The following RYR2 variants were observed in gnomAD, a reference collection of about 807,000 sequenced individuals.
RYR2 encodes ryanodine receptor 2.
In RYR2, 227 loss-of-function variants were observed where a neutral mutation model predicts 601.1. The ratio of observed to expected loss-of-function variants is 0.38; its 90% CI spans 0.34 to 0.42. RYR2 has a LOEUF of 0.42. RYR2 is among the 10% of genes least tolerant of loss of function. The pLI is 1.00. For synonymous variants in RYR2, 2,223 were observed against 2,175.1 expected, an observed-to-expected ratio of 1.02 and a Z score of -0.61; for missense variants, 4,646 against 6,156.5, an observed-to-expected ratio of 0.75 and a Z score of 8.21.
intron 18 of RYR2, 80 bp from the exon 19 acceptor site, chr1:237,492,866 AGGAAGAAG>A (rs1320759508): frequency 2.3e-6 from 3 of 1,297,600 alleles, no homozygotes; most frequent in East Asian, 2.7e-5. Context: ...GAAGGAAGGA[AGGAAGAAG>A]GGAAGGAAGG....
At chr1:237,191,002 G>A (rs137905499) in intron 1 of RYR2, among the ~76,000 whole-genome samples, 78 of 152,236 alleles carry the variant, frequency 5.1e-4, no homozygotes, top group African/African-American at 1.8e-3. Flanking sequence ...CCCATTGTCT[G>A]GAAGCTTTCC....
intron 92 of RYR2, among the ~76,000 whole-genome samples, chr1:237,790,887 T>A (rs1368219668): frequency 6.6e-6 from 1 of 151,414 alleles, no homozygotes; most frequent in Non-Finnish European, 1.5e-5. Flanking sequence ...TGCCCCCTGC[T>A]CACCTGTCTG....
chr1:237,641,523 TTCTTTTTCTTTCTTTTCTC>T (rs1681531665), intron 47 of RYR2, among the ~76,000 whole-genome samples: 1 of 150,058 alleles, frequency 6.7e-6, no homozygotes, highest in Non-Finnish European at 1.5e-5. Flanking sequence ...CTTTCTTTCT[TTCTTTTTCTTTCTTTTCTC>T]TCTTTTTTTT....
rs112769379 is a variant in RYR2, at chr1:237,623,893, C to CT, written c.6022+27dup. On this transcript the variant is annotated intron_variant, in intron 39 of 104. Transcript: ENST00000366574. ...GTGGTAAGGTCTTTTTGATTAAAAG[C>CT]TTTTATTAATTGTATGTTTTTAATC... is the stretch of plus-strand genomic sequence containing the variant. 5.4e-3 allele frequency: 7,905 copies of CT among 1,464,760 alleles called. 358 individuals are homozygous for CT. In the African/African-American group the frequency reaches 0.097, roughly 18 times the overall value. 90.7% of individuals were successfully genotyped at this position (1,464,760 alleles called of 1,614,324 possible). A position where few individuals can be genotyped will look rare whatever the true frequency, so the allele number is the denominator to read the frequency against.
At chr1:237,516,765 C>T (rs1029887006) in intron 24 of RYR2, among the ~76,000 whole-genome samples, 4 of 152,254 alleles carry the variant, frequency 2.6e-5, no homozygotes, top group Admixed American at 1.3e-4. Context: ...TCACCTTTGA[C>T]TCTTCCCTTT....
At chr1:237,486,866 A>G (rs891577134) in intron 17 of RYR2, among the ~76,000 whole-genome samples, 16 of 152,126 alleles carry the variant, frequency 1.1e-4, no homozygotes, top group African/African-American at 3.6e-4. Flanking sequence ...AAATGAATAT[A>G]TTTTACATAG....
chr1:237,645,942 T>C (rs963900361), intron 48 of RYR2, among the ~76,000 whole-genome samples: 8 of 150,600 alleles, frequency 5.3e-5, no homozygotes, highest in Non-Finnish European at 1.0e-4. Context: ...AGTGGCGCAG[T>C]CTTGGCTCAC....
intron 1 of RYR2, among the ~76,000 whole-genome samples, chr1:237,056,858 A>C (rs1208917129): frequency 6.6e-6 from 1 of 152,166 alleles, no homozygotes; most frequent in East Asian, 1.9e-4. Flanking sequence ...ACTAGGGCTG[A>C]GAGAGGCATG....
chr1:237,670,258 C>A (rs989332420), intron 58 of RYR2, among the ~76,000 whole-genome samples: 1 of 140,058 alleles, frequency 7.1e-6, no homozygotes, highest in Non-Finnish European at 1.5e-5. Flanking sequence ...AGCTTCGGCT[C>A]GGCATCAGAG....
At chr1:237,700,112 G>C (rs1193270206) in intron 64 of RYR2, 117 bp from the exon 65 acceptor site, 1 of 676,350 alleles carries the variant, frequency 1.5e-6, no homozygotes, top group Non-Finnish European at 2.5e-6. Context: ...GATTTTAAAA[G>C]TTGGTTACCA....
chr1:237,778,811 C>A, intron 88 of RYR2, 41 bp downstream of exon 88: 1 of 966,046 alleles, frequency 1.0e-6, no homozygotes, highest in Non-Finnish European at 1.7e-6. Flanking sequence ...AAATGACAAA[C>A]TGGAGACTGT....
At chr1:237,255,844 T>A (rs1219355290) in intron 1 of RYR2, among the ~76,000 whole-genome samples, 1 of 150,054 alleles carries the variant, frequency 6.7e-6, no homozygotes, top group African/African-American at 2.5e-5. Flanking sequence ...TACCAGTGTG[T>A]GTGTGTGTGT....
intron 3 of RYR2, among the ~76,000 whole-genome samples, chr1:237,340,204 C>T (rs891760611): frequency 7.9e-5 from 12 of 152,156 alleles, no homozygotes; most frequent in African/African-American, 2.9e-4. Context: ...GAAAACAAAT[C>T]CAACTCTGTG....
chr1:237,202,886 C>T (rs530252328), intron 1 of RYR2, among the ~76,000 whole-genome samples: 3 of 152,178 alleles, frequency 2.0e-5, no homozygotes, highest in Non-Finnish European at 2.9e-5. Flanking sequence ...GAACCAGCAA[C>T]GCAACATTGT....
At chr1:237,652,476 C>T (rs1682856181) in intron 51 of RYR2, among the ~76,000 whole-genome samples, 2 of 151,840 alleles carry the variant, frequency 1.3e-5, no homozygotes, top group African/African-American at 4.8e-5. Context: ...TTATTTTTTC[C>T]CCAATGGCTA....
At chr1:237,634,638 A>G (rs1680682497) in intron 43 of RYR2, among the ~76,000 whole-genome samples, 1 of 152,204 alleles carries the variant, frequency 6.6e-6, no homozygotes, top group South Asian at 2.1e-4. Context: ...ATGTGAGGTA[A>G]TATGTATGTT....
intron 10 of RYR2, among the ~76,000 whole-genome samples, chr1:237,393,446 C>T (rs567506806): frequency 6.6e-6 from 1 of 152,292 alleles, no homozygotes; most frequent in African/African-American, 2.4e-5. Context: ...GCCTCTCCAT[C>T]TGGCTTAGAA....
intron 55 of RYR2, among the ~76,000 whole-genome samples, chr1:237,660,329 C>T (rs1355156554): frequency 1.3e-5 from 2 of 151,918 alleles, no homozygotes; most frequent in African/African-American, 4.8e-5. Flanking sequence ...TTATTCCTCT[C>T]CCATATTTTT....
chr1:237,689,171 G>A (rs1385045634), intron 63 of RYR2, among the ~76,000 whole-genome samples: 6 of 152,184 alleles, frequency 3.9e-5, no homozygotes, highest in Non-Finnish European at 8.8e-5. Flanking sequence ...AGGACGCTGA[G>A]ATGGATGGAT....
Sources: gnomAD v4.1 joint callset for allele counts (sites outside exome capture counted in the v4.1 genomes callset) on GRCh38, gnomAD v4.1.1 for gene constraint, MANE v1.5 for transcripts, NCBI Gene and HGNC (gene_info 2026-07-23, HGNC 2026-07-21) for gene names.